The following MAMLD1 variants were observed in gnomAD, a reference collection of about 807,000 sequenced individuals.
MAMLD1 encodes the protein mastermind-like domain-containing protein 1.
In MAMLD1, 14 loss-of-function variants were observed where a neutral mutation model predicts 45.0. The observed-to-expected ratio is 0.31, with a 90% confidence interval of 0.21 to 0.49. The LOEUF (loss-of-function observed/expected upper bound fraction) is 0.49. Among genes scored for constraint, MAMLD1 ranks in the 20% least tolerant of loss-of-function variants. MAMLD1 has a pLI of 0.99. For missense variants in MAMLD1, 543 were observed against 603.6 expected, an observed-to-expected ratio of 0.90 and a Z score of 1.05; for synonymous variants, 254 against 247.8, an observed-to-expected ratio of 1.02 and a Z score of -0.24.
At chrX:150,480,622 C>T (rs2036723283) in intron 5 of MAMLD1, among the ~76,000 whole-genome samples, 1 of 112,004 alleles carries the variant, frequency 8.9e-6, no homozygotes, top group Non-Finnish European at 1.9e-5. Flanking sequence ...AATAAAGAGT[C>T]AGCATTCATC....
intron 5 of MAMLD1, among the ~76,000 whole-genome samples, chrX:150,489,920 A>G (rs2037128550): frequency 9.0e-6 from 1 of 111,238 alleles, no homozygotes; most frequent in Admixed American, 9.5e-5. Flanking sequence ...ATTGGGTAAG[A>G]AGAGTCTCAG....
Position 150,382,386 on chromosome X carries a change from G to A in MAMLD1, c.-64+18856G>A, listed in dbSNP as rs981236265. On this transcript the variant is annotated intron_variant, in intron 1 of 7. Transcript: ENST00000370401. ...ATACCACACAGTCTTGACTAATGTA[G>A]CCATATAAAAATGTTAATACTGGGT... Among the ~76,000 whole-genome samples the A allele has an allele frequency of 2.7e-5, 3 of 111,621 alleles. No homozygotes were observed. In the Admixed American group the frequency reaches 2.9e-4, roughly 11 times the overall value.
chrX:150,445,396 C>T (rs1569564804), intron 1 of MAMLD1, 58 bp from the exon 2 acceptor site: 7 of 525,052 alleles, frequency 1.3e-5, no homozygotes, highest in Admixed American at 8.1e-5. Flanking sequence ...CTGTGATTCA[C>T]GGGGTCAGTG....
chrX:150,366,949 C>A (rs1032415751), intron 1 of MAMLD1, among the ~76,000 whole-genome samples: 3 of 109,419 alleles, frequency 2.7e-5, no homozygotes, highest in African/African-American at 1.0e-4. Context: ...TTCTTTCCCC[C>A]CTTTCCCCCT....
chrX:150,498,651 A>G (rs1014455737), intron 5 of MAMLD1, among the ~76,000 whole-genome samples: 2 of 112,670 alleles, frequency 1.8e-5, no homozygotes, highest in South Asian at 7.3e-4. Context: ...GCCAGTGGCT[A>G]CCATATTGAA....
At chrX:150,431,516 C>T (rs2034945398) in intron 1 of MAMLD1, among the ~76,000 whole-genome samples, 2 of 110,232 alleles carry the variant, frequency 1.8e-5, no homozygotes. Context: ...TTGCCACCCA[C>T]GTAATAAGCA....
intron 1 of MAMLD1, among the ~76,000 whole-genome samples, chrX:150,375,640 C>T (rs2032276324): frequency 8.9e-6 from 1 of 112,387 alleles, no homozygotes; most frequent in Non-Finnish European, 1.9e-5. Context: ...GAGGTGTCTC[C>T]CTACCCATTC....
intron 6 of MAMLD1, among the ~76,000 whole-genome samples, chrX:150,505,725 G>A (rs1396786317): frequency 8.9e-6 from 1 of 112,758 alleles, no homozygotes; most frequent in Non-Finnish European, 1.9e-5. Context: ...CAGGCATTCT[G>A]GAGAAGCTGA....
At chrX:150,468,531 C>T (rs2283740) in intron 3 of MAMLD1, among the ~76,000 whole-genome samples, 14,986 of 111,278 alleles carry the variant, frequency 0.13, 975 homozygotes, top group Non-Finnish European at 0.19. Context: ...TTGATCATTC[C>T]TGCACATACT....
intron 7 of MAMLD1, 99 bp from the exon 8 acceptor site, chrX:150,511,905 G>A (rs2037910370): frequency 1.5e-5 from 12 of 777,880 alleles, no homozygotes; most frequent in Middle Eastern, 7.7e-4. Context: ...GGCGGGAGGT[G>A]AGAAGTCCGT....
intron 1 of MAMLD1, among the ~76,000 whole-genome samples, chrX:150,394,434 G>A (rs1239658500): frequency 9.1e-6 from 1 of 110,296 alleles, no homozygotes; most frequent in East Asian, 2.8e-4. Context: ...TGGATCTTTT[G>A]CCTCTCCACA....
At position 150,466,234 on chromosome X, in the gene MAMLD1, C is replaced by T. The variant is rs1351087640; in HGVS notation, c.171+3388C>T. Among the ~76,000 whole-genome samples the T allele has an allele frequency of 7.1e-5, 8 of 112,938 alleles. 1 individual carries two copies. The highest frequency in any genetic ancestry group is 2.3e-4 in the African/African-American group (7 of 31,061). ...CTCACTGATGTCTGGTGAAGGCAGA[C>T]GCTATTACAGCAAGGCTGAGCCTTC... On this transcript the variant is annotated intron_variant, in intron 3 of 7. Coordinates refer to ENST00000370401, the MANE Select transcript of MAMLD1 (RefSeq NM_005491.5).
intron 1 of MAMLD1, among the ~76,000 whole-genome samples, chrX:150,398,496 G>A (rs1273462558): frequency 9.0e-6 from 1 of 111,027 alleles, no homozygotes; most frequent in East Asian, 2.8e-4. Context: ...TGTATCAGTG[G>A]GGGTTGCAGG....
intron 3 of MAMLD1, among the ~76,000 whole-genome samples, chrX:150,467,880 G>T (rs1025112402): frequency 8.9e-6 from 1 of 112,103 alleles, no homozygotes; most frequent in African/African-American, 3.2e-5. Context: ...TTATAATGCC[G>T]GGTACCAGTT....
chrX:150,445,095 T>A (rs1189941908), intron 1 of MAMLD1, among the ~76,000 whole-genome samples: 1 of 112,347 alleles, frequency 8.9e-6, no homozygotes, highest in Non-Finnish European at 1.9e-5. Flanking sequence ...GAAGTTTTCC[T>A]GGATCTCACT....
At chrX:150,448,728 A>T (rs2035569597) in intron 2 of MAMLD1, among the ~76,000 whole-genome samples, 1 of 112,131 alleles carries the variant, frequency 8.9e-6, no homozygotes. Flanking sequence ...TAAGATCACG[A>T]TTCTTTCCCT....
intron 2 of MAMLD1, among the ~76,000 whole-genome samples, chrX:150,447,700 G>A (rs1426562136): frequency 6.3e-5 from 7 of 111,134 alleles, no homozygotes; most frequent in African/African-American, 1.6e-4. Flanking sequence ...GAAGGTGAGT[G>A]GCCAAAGGAG....
chrX:150,380,421 A>G (rs2032545575), intron 1 of MAMLD1, among the ~76,000 whole-genome samples: 1 of 110,938 alleles, frequency 9.0e-6, no homozygotes, highest in East Asian at 2.8e-4. Context: ...TGTGTTAGGT[A>G]TATTAGCTTT....
At chrX:150,423,124 A>G (rs5925007) in intron 1 of MAMLD1, among the ~76,000 whole-genome samples, 49,836 of 110,585 alleles carry the variant, frequency 0.45, 9,170 homozygotes, top group East Asian at 0.78. Context: ...TGCTTTGCAA[A>G]CCTTTGTTGG....
Sources: allele counts gnomAD v4.1 joint callset (sites outside exome capture counted in the v4.1 genomes callset), GRCh38; gene constraint gnomAD v4.1.1; transcripts MANE v1.5; gene names NCBI Gene and HGNC (gene_info 2026-07-23, HGNC 2026-07-21).